The following MLST8 variants were observed in gnomAD, a reference collection of about 807,000 sequenced individuals.
MLST8 encodes target of rapamycin complex subunit LST8.
In MLST8, 20 loss-of-function variants were observed where a neutral mutation model predicts 41.3. The ratio of observed to expected loss-of-function variants is 0.48; its 90% CI spans 0.34 to 0.70. The LOEUF is 0.70. Among genes scored for constraint, MLST8 ranks in the 30% least tolerant of loss-of-function variants. MLST8 has a pLI of 0.01. For synonymous variants in MLST8, 243 were observed against 183.0 expected, an observed-to-expected ratio of 1.33 and a Z score of -2.65; for missense variants, 422 against 454.3, an observed-to-expected ratio of 0.93 and a Z score of 0.65.
Position 2,208,628 on chromosome 16 carries a change from G to C in MLST8, c.862+15G>C. 1 of 1,611,828 alleles carries C rather than the reference G, an allele frequency of 6.2e-7. No individual in the cohort carries two copies. The highest frequency in any genetic ancestry group is 8.5e-7 in the Non-Finnish European group (1 of 1,179,274). ...CATCGTCACTGGTGAGCCCCGCCCT[G>C]GCCTCCCCCATCCCTGGCCCCCGGC... On this transcript the variant is annotated intron_variant, in intron 8 of 8. Coordinates refer to ENST00000569417, the MANE Select transcript of MLST8 (RefSeq NM_022372.6).
At position 2,208,437 on chromosome 16, in the gene MLST8, G is replaced by A. The variant is rs1567279731; in HGVS notation, c.699-13G>A. The A allele has an allele frequency of 6.2e-7, 1 of 1,611,906 alleles. No homozygotes were observed. The highest frequency in any genetic ancestry group is 8.5e-7 in the Non-Finnish European group (1 of 1,179,512). ...GTGGCTGCTGCTGGACACGCCCCAT[G>A]CCCACCCACTAGGCTCCTCGCCACC... On this transcript the variant is annotated splice_polypyrimidine_tract_variant and intron_variant, in intron 7 of 8. Coordinates refer to ENST00000569417, the MANE Select transcript of MLST8 (RefSeq NM_022372.6).
At position 2,207,293 on chromosome 16, in the gene MLST8, C is replaced by T. The variant is rs201789867; in HGVS notation, c.521C>T (p.Thr174Met). The change falls in exon 6 of 9, where the codon ACG (threonine) becomes ATG (methionine). Residue 174 changes from threonine (T) to methionine (M), a missense_variant. Physicochemically the swap from Thr to Met is moderately conservative, Grantham distance 81 (BLOSUM62 -1). Transcript: ENST00000569417. ...ATCCCTGAGCCCGAGGTCTCCATCA[C>T]GTCCGCCCACATCGATCCCGACGCC... ...QLIPEPEVSI[T>M]SAHIDPDASY... 7 of 1,614,196 alleles carry T rather than the reference C, an allele frequency of 4.3e-6. No individual in the cohort carries two copies. The highest frequency in any genetic ancestry group is 4.5e-5 in the East Asian group (2 of 44,882).
At chr16:2,207,413 C>A in intron 6 of MLST8, 68 bp downstream of exon 6, 1 of 1,564,318 alleles carries the variant, frequency 6.4e-7, no homozygotes, top group Non-Finnish European at 8.7e-7. Flanking sequence ...TGCAGGTGGG[C>A]TTATTCCTGG....
In MLST8 at chr16:2,206,014, C is replaced by T. The variant is rs918184780; in HGVS notation, c.-55-17C>T. 5 of 1,517,996 alleles carry T rather than the reference C, an allele frequency of 3.3e-6. No individual in the cohort carries two copies. In the African/African-American group the frequency reaches 5.6e-5, roughly 17 times the overall value. 94.0% of individuals were successfully genotyped at this position (1,517,996 alleles called of 1,614,324 possible). A position where few individuals can be genotyped will look rare whatever the true frequency, so the allele number is the denominator to read the frequency against. On this transcript the variant is annotated splice_polypyrimidine_tract_variant and intron_variant, in intron 1 of 8. Coordinates refer to ENST00000569417, the MANE Select transcript of MLST8 (RefSeq NM_022372.6). ...CACAGAGAGTGTCTTCTAAGTACTT[C>T]ACATCCTTCTCTGCAGATGCTCTGA...
rs368529981 is a variant in MLST8 at position 2,209,339 on chromosome 16, C to T, written c.*462C>T. ...GCCAGCCCACTGGATTGGGGACGGG[C>T]CAGGCTGGGCCAGGTCGGGGGCTCA... On this transcript the variant is annotated 3_prime_UTR_variant, in exon 9 of 9. Coordinates refer to ENST00000569417, the MANE Select transcript of MLST8 (RefSeq NM_022372.6). The T allele has an allele frequency of 6.3e-5, 100 of 1,599,980 alleles. No homozygotes were observed. In the African/African-American group the frequency reaches 1.1e-3, roughly 17 times the overall value.
rs752519138 is a variant in MLST8 at position 2,206,120 on chromosome 16, C to G, written c.35C>G (p.Pro12Arg). The G allele has an allele frequency of 6.2e-7, 1 of 1,610,008 alleles. No homozygotes were observed. Among genetic ancestry groups the G allele is most frequent in the South Asian group, 1.1e-5 (1 of 90,918 alleles). ...NTSPGTVGSD[P>R]VILATAGYDH... is the part of the protein sequence containing the mutation. ...TCCCCAGGCACGGTGGGCAGTGACC[C>G]GGTCATCCTGGCCACTGCAGGCTAC... The change falls in exon 2 of 9, where the codon CCG becomes CGG. Residue 12 changes from proline to arginine, a missense_variant. By Grantham distance (103) the Pro-to-Arg change is moderately radical (BLOSUM62 -2). Transcript: ENST00000569417.
intron 6 of MLST8, 86 bp from the exon 7 acceptor site, chr16:2,208,124 C>T (rs893123337): frequency 5.4e-6 from 8 of 1,481,312 alleles, no homozygotes; most frequent in South Asian, 4.0e-5. Flanking sequence ...GCACAGTTGG[C>T]CCCCAGTGTT....
At chr16:2,205,790 C>T in intron 1 of MLST8, 2 of 1,065,956 alleles carry the variant, frequency 1.9e-6, no homozygotes, top group Non-Finnish European at 1.1e-6. Context: ...CTCCCCCCTG[C>T]CGGCTGCGGA....
At chr16:2,206,807 A>G (rs1185038865) in intron 4 of MLST8, 148 bp downstream of exon 4, 1 of 1,058,406 alleles carries the variant, frequency 9.4e-7, no homozygotes, top group South Asian at 1.3e-5. Context: ...AGGAGAGTGA[A>G]TTGCATCAGA....
At chr16:2,208,738 C>T (rs373151760) in intron 8 of MLST8, 21 bp from the exon 9 acceptor site, 549 of 1,613,768 alleles carry the variant, frequency 3.4e-4, no homozygotes, top group Non-Finnish European at 4.3e-4. Flanking sequence ...GCTCTTAGCC[C>T]TGCACAATCT....
chr16:2,208,714 T>G (rs757318125), intron 8 of MLST8, 45 bp from the exon 9 acceptor site: 1 of 1,613,506 alleles, frequency 6.2e-7, no homozygotes, highest in Non-Finnish European at 8.5e-7. Context: ...GCCGCCTGCT[T>G]GGCCTGCACC....
intron 1 of MLST8, 164 bp from the exon 2 acceptor site, chr16:2,205,867 C>A: frequency 7.4e-7 from 1 of 1,347,016 alleles, no homozygotes. Flanking sequence ...CCTGGAGCCC[C>A]GGAGCCAGGT....
Position 2,206,997 on chromosome 16 carries a change from G to T in MLST8, c.345-38G>T, listed in dbSNP as rs2093303875. 2.5e-6 allele frequency: 4 copies of T among 1,610,010 alleles called. No individual in the cohort carries two copies. The East Asian group carries it at 8.9e-5, about 36-fold the overall frequency. ...GGCCATCTGGGTAGGGCACCAACAAGCCCAGATGGACAGCATGTGCCCCGG... is the reference window on the plus strand; with the variant it reads ...GGCCATCTGGGTAGGGCACCAACAATCCCAGATGGACAGCATGTGCCCCGG... On this transcript the variant is annotated intron_variant, in intron 4 of 8. Coordinates refer to ENST00000569417, the MANE Select transcript of MLST8 (RefSeq NM_022372.6).
Position 2,206,585 on chromosome 16 carries a change from T to G in MLST8, c.270T>G (p.Ser90=). ...SYDGVNKNIA[S]VGFHEDGRWM... ...ACGGCGTCAACAAGAACATCGCGTC[T>G]GTGGGCTTCCACGAAGACGGCCGCT... is the stretch of plus-strand genomic sequence containing the variant. Residue 90 remains serine (S), a synonymous_variant, in exon 4 of 9, where the codon TCT becomes TCG. Transcript: ENST00000569417. 6.2e-7 allele frequency: 1 copy of G among 1,613,994 alleles called. No individual in the cohort carries two copies.
At chr16:2,208,392 G>T in intron 7 of MLST8, 58 bp downstream of exon 7, 2 of 1,607,986 alleles carry the variant, frequency 1.2e-6, no homozygotes, top group Admixed American at 1.7e-5. Flanking sequence ...GGCTGGAGAG[G>T]GGAGGGGCTG....
rs199951441 is a variant in MLST8 at position 2,208,257 on chromosome 16, G to A, written c.621G>A (p.Val207=). The A allele has an allele frequency of 6.2e-7, 1 of 1,613,590 alleles. No homozygotes were observed. The highest frequency in any genetic ancestry group is 1.3e-5 in the African/African-American group (1 of 75,052). ...TGACGGGGGGCATTGGTGACGAGGT[G>A]ACCCAGCTCATCCCCAAGACTAAGA... The part of the protein sequence containing the change: ...WNLTGGIGDE[V]TQLIPKTKIP... The change falls in exon 7 of 9, where the codon GTG becomes GTA. Residue 207 remains valine, a synonymous_variant. Transcript: ENST00000569417.
chr16:2,206,422 C>G lies in MLST8; in HGVS notation c.181+13C>G. 6.2e-7 allele frequency: 1 copy of G among 1,614,158 alleles called. No homozygotes were observed. On this transcript the variant is annotated intron_variant, in intron 3 of 8. Transcript: ENST00000569417. The stretch of plus-strand genomic sequence containing the variant: ...ATTGCTGCTGCAGGTATCTGTGATC[C>G]TTGATCTCTAAACTCCTGAGCTCTG...
At chr16:2,206,817 A>C (rs1427113277) in intron 4 of MLST8, 158 bp downstream of exon 4, 1 of 1,029,784 alleles carries the variant, frequency 9.7e-7, no homozygotes. Context: ...ATTGCATCAG[A>C]GCGCGAGTCC....
In MLST8 at chr16:2,205,969, T is replaced by G; in HGVS notation, c.-55-62T>G. 9.5e-6 allele frequency: 14 copies of G among 1,472,082 alleles called. No individual in the cohort carries two copies. The South Asian group carries it at 1.9e-4, about 19-fold the overall frequency. The allele number at this position is 1,472,082 out of a possible 1,614,324, so 91.2% of individuals were successfully genotyped here. ...ATAAGCGCCATTCGGCAGCGCCTTG[T>G]GGGTCTATAATCTACTTAGCACAGA... is the stretch of plus-strand genomic sequence containing the variant. On this transcript the variant is annotated intron_variant, in intron 1 of 8. Transcript: ENST00000569417.
Sources: gnomAD v4.1 joint callset for allele counts on GRCh38, gnomAD v4.1.1 for gene constraint, MANE v1.5 for transcripts, NCBI Gene and HGNC (gene_info 2026-07-23, HGNC 2026-07-21) for gene names.